Variants in STX18 observed in about 807,000 individuals in gnomAD.
STX18 encodes the protein syntaxin-18.
STX18 carries 40 observed loss-of-function variants against 50.1 expected under a neutral mutation model. That is an observed-to-expected ratio of 0.80 (90% CI 0.62 to 1.04). The LOEUF is 1.04. Among genes scored for constraint, STX18 ranks in the 50% least tolerant of loss-of-function variants. The pLI, the probability that STX18 is intolerant of heterozygous loss-of-function variation, is 0.00. For synonymous variants in STX18, 158 were observed against 151.8 expected, an observed-to-expected ratio of 1.04 and a Z score of -0.30; for missense variants, 410 against 415.8, an observed-to-expected ratio of 0.99 and a Z score of 0.12.
intron 2 of STX18, among the ~76,000 whole-genome samples, chr4:4,467,312 A>G (rs1727663386): frequency 6.6e-6 from 1 of 152,208 alleles, no homozygotes; most frequent in Non-Finnish European, 1.5e-5. Context: ...TAAACTATAA[A>G]TTAACTTCCT....
intron 8 of STX18, among the ~76,000 whole-genome samples, chr4:4,424,029 G>A (rs997438431): frequency 3.3e-5 from 5 of 152,160 alleles, no homozygotes; most frequent in African/African-American, 1.2e-4. Context: ...CTTTGTTAAT[G>A]CTCAGCAGGT....
intron 1 of STX18, among the ~76,000 whole-genome samples, chr4:4,493,564 T>C (rs1729039583): frequency 6.6e-6 from 1 of 152,204 alleles, no homozygotes; most frequent in East Asian, 1.9e-4. Flanking sequence ...ACGCATCTTA[T>C]TATCTTCATT....
intron 7 of STX18, chr4:4,425,851 T>C (rs1013136399): frequency 6.6e-6 from 1 of 152,620 alleles, no homozygotes; most frequent in African/African-American, 2.4e-5. Context: ...CTGAGTGAGC[T>C]TGGCACAGAC....
chr4:4,482,978 T>C (rs1311889187), intron 1 of STX18, among the ~76,000 whole-genome samples: 2 of 152,220 alleles, frequency 1.3e-5, no homozygotes, highest in Non-Finnish European at 2.9e-5. Context: ...GGACTGCGGC[T>C]TCCAGAATTC....
At chr4:4,507,814 GTAA>G in intron 1 of STX18, 2 of 191,422 alleles carry the variant, frequency 1.0e-5, no homozygotes, top group Non-Finnish European at 1.7e-5. Flanking sequence ...TATATTCACA[GTAA>G]AAAAAAAAAA....
chr4:4,535,391 C>T (rs1215996119), intron 1 of STX18, among the ~76,000 whole-genome samples: 1 of 152,192 alleles, frequency 6.6e-6, no homozygotes, highest in Non-Finnish European at 1.5e-5. Flanking sequence ...CTCATGAAAA[C>T]TCTGCAGTGC....
chr4:4,517,669 TA>T (rs35800086), intron 1 of STX18, among the ~76,000 whole-genome samples: 1 of 152,194 alleles, frequency 6.6e-6, no homozygotes, highest in Admixed American at 6.5e-5. Flanking sequence ...CTTGTGTTTT[TA>T]AAAACCACTA....
At position 4,457,252 on chromosome 4, in the gene STX18, A is replaced by G; in HGVS notation, c.436T>C (p.Cys146Arg). The change falls in exon 5 of 11, where the codon TGT (cysteine) becomes CGT (arginine). Residue 146 changes from cysteine to arginine, a missense_variant. Coordinates refer to ENST00000306200, the MANE Select transcript of STX18 (RefSeq NM_016930.4). ...DFIEDYLKRV[C>R]KLYSEQRAIR... ...GCTCTCTGTTCTGAGTAAAGTTTAC[A>G]TACTCCTGTTGCAGAAGAAAATACC... The G allele has an allele frequency of 6.2e-7, 1 of 1,614,066 alleles. No homozygotes were observed. The highest frequency in any genetic ancestry group is 2.2e-5 in the East Asian group (1 of 44,876).
intron 1 of STX18, among the ~76,000 whole-genome samples, chr4:4,517,307 T>G (rs1052553580): frequency 2.0e-5 from 3 of 152,184 alleles, no homozygotes; most frequent in Non-Finnish European, 2.9e-5. Flanking sequence ...GCTACTGTGA[T>G]ACTAAATAGA....
At chr4:4,431,554 C>T (rs1274190638) in intron 7 of STX18, among the ~76,000 whole-genome samples, 1 of 152,162 alleles carries the variant, frequency 6.6e-6, no homozygotes, top group Non-Finnish European at 1.5e-5. Context: ...GAGCCTCACG[C>T]AAGCCCATCC....
intron 6 of STX18, among the ~76,000 whole-genome samples, chr4:4,438,108 C>CA (rs1725886547): frequency 6.6e-6 from 1 of 152,200 alleles, no homozygotes; most frequent in Non-Finnish European, 1.5e-5. Context: ...GGCCGGCACA[C>CA]AGGGCTCCTG....
chr4:4,511,985 C>G (rs1435085526), intron 1 of STX18, among the ~76,000 whole-genome samples: 2 of 151,996 alleles, frequency 1.3e-5, no homozygotes, highest in African/African-American at 4.8e-5. Flanking sequence ...GAATGTTTAG[C>G]AGCATTCCTG....
At chr4:4,438,997 C>CCA (rs955967760) in intron 5 of STX18, among the ~76,000 whole-genome samples, 3 of 146,620 alleles carry the variant, frequency 2.0e-5, no homozygotes, top group African/African-American at 7.6e-5. Context: ...TATACACACA[C>CCA]CACACACACA....
chr4:4,507,113 A>G, intron 1 of STX18: 1 of 555,334 alleles, frequency 1.8e-6, no homozygotes, highest in Admixed American at 1.9e-5. Flanking sequence ...CGTGAAGCCC[A>G]ATGGCAAGAA....
intron 1 of STX18, among the ~76,000 whole-genome samples, chr4:4,489,758 A>G (rs564827051): frequency 6.6e-6 from 1 of 152,290 alleles, no homozygotes; most frequent in Admixed American, 6.5e-5. Flanking sequence ...ACTCCGTAAC[A>G]TAACATTTGC....
chr4:4,482,804 C>G (rs925056302), intron 1 of STX18, among the ~76,000 whole-genome samples: 2 of 152,188 alleles, frequency 1.3e-5, no homozygotes, highest in Non-Finnish European at 2.9e-5. Context: ...TTCCACCTTC[C>G]TTGAGGCAAG....
rs200389671 is a variant in STX18 at position 4,457,497 on chromosome 4, T to A, written c.356A>T (p.His119Leu). The A allele has an allele frequency of 1.9e-6, 3 of 1,613,098 alleles. No homozygotes were observed. Among genetic ancestry groups the A allele is most frequent in the Non-Finnish European group, 2.5e-6 (3 of 1,179,272 alleles). ...EAIQQLRTEA[H>L]KEIHSQQVKE... ...CACTTGCTGGGAATGTATCTCCTTGTGAGCTGTAACAGAAAAAGACAATGT... is the reference window on the plus strand; with the variant it reads ...CACTTGCTGGGAATGTATCTCCTTGAGAGCTGTAACAGAAAAAGACAATGT... The change falls in exon 4 of 11, where the codon CAC becomes CTC. Residue 119 changes from histidine to leucine, a missense_variant. Coordinates refer to ENST00000306200, the MANE Select transcript of STX18 (RefSeq NM_016930.4).
chr4:4,430,549 G>A (rs1367832144), intron 7 of STX18, among the ~76,000 whole-genome samples: 2 of 152,220 alleles, frequency 1.3e-5, no homozygotes, highest in African/African-American at 2.4e-5. Context: ...TTTAGTCATT[G>A]ATACTACCAT....
intron 1 of STX18, among the ~76,000 whole-genome samples, chr4:4,477,147 G>A (rs1290802432): frequency 6.6e-6 from 1 of 152,174 alleles, no homozygotes; most frequent in South Asian, 2.1e-4. Context: ...GGAGGCTGAG[G>A]CAGGAGAATC....
Sources: allele counts gnomAD v4.1 joint callset (sites outside exome capture counted in the v4.1 genomes callset), GRCh38; gene constraint gnomAD v4.1.1; transcripts MANE v1.5; gene names NCBI Gene and HGNC (gene_info 2026-07-23, HGNC 2026-07-21).